NRG1: variants seen among roughly 807,000 people sequenced by gnomAD.
NRG1 encodes pro-neuregulin-1, membrane-bound isoform.
Under a neutral mutation model 63.8 loss-of-function variants are expected in NRG1, and 18 were observed. The ratio of observed to expected loss-of-function variants is 0.28; its 90% CI spans 0.19 to 0.42. NRG1 has a LOEUF of 0.42. Ranked by LOEUF, NRG1 falls within the 10% of genes least tolerant of loss-of-function variation. The pLI, the probability that NRG1 is intolerant of heterozygous loss-of-function variation, is 1.00. For missense variants in NRG1, 762 were observed against 814.7 expected (o/e 0.94, Z 0.79); for synonymous variants, 302 against 301.3 (o/e 1.00, Z -0.02).
At chr8:31,919,857 A>G (rs1378017517) in intron 1 of NRG1, among the ~76,000 whole-genome samples, 2 of 152,118 alleles carry the variant, frequency 1.3e-5, no homozygotes, top group Non-Finnish European at 2.9e-5. Context: ...TATAATTTGT[A>G]CTAAGTGTCA....
intron 1 of NRG1, chr8:32,063,065 CTTAA>C (rs1430029223): frequency 6.6e-6 from 1 of 151,962 alleles, no homozygotes; most frequent in Non-Finnish European, 1.5e-5. Context: ...GTAAATGTTC[CTTAA>C]TTATTTTCAG....
chr8:32,608,325 T>A (rs1845712233), intron 3 of NRG1, among the ~76,000 whole-genome samples: 1 of 151,388 alleles, frequency 6.6e-6, no homozygotes, highest in Non-Finnish European at 1.5e-5. Context: ...TGCATGCCAT[T>A]ACGCCTGGCT....
intron 1 of NRG1, among the ~76,000 whole-genome samples, chr8:31,801,022 T>G (rs1237814013): frequency 1.3e-5 from 2 of 151,320 alleles, no homozygotes; most frequent in African/African-American, 4.9e-5. Context: ...TTGTATTTTT[T>G]TTTTTTAGTA....
At chr8:31,728,469 T>C (rs1455029308) in intron 1 of NRG1, among the ~76,000 whole-genome samples, 1 of 152,184 alleles carries the variant, frequency 6.6e-6, no homozygotes, top group Admixed American at 6.5e-5. Flanking sequence ...AGTATTCATA[T>C]TTATGTTTGA....
At chr8:31,732,644 A>C (rs764459182) in intron 1 of NRG1, among the ~76,000 whole-genome samples, 27 of 152,170 alleles carry the variant, frequency 1.8e-4, no homozygotes, top group Admixed American at 2.6e-4. Context: ...GAATCCCAGC[A>C]CTTTGGGAAG....
chr8:32,616,981 G>A (rs1411498151), intron 5 of NRG1, 96 bp downstream of exon 5: 33 of 919,880 alleles, frequency 3.6e-5, no homozygotes, highest in Non-Finnish European at 5.5e-5. Context: ...CCCCTATTAA[G>A]GGTCAGAGTA....
intron 1 of NRG1, among the ~76,000 whole-genome samples, chr8:31,846,026 A>G (rs1383895): frequency 0.42 from 63,292 of 151,966 alleles, 14,236 homozygotes; most frequent in East Asian, 0.81. Flanking sequence ...AGTTCCAAAG[A>G]CATCCCCATG....
intron 1 of NRG1, among the ~76,000 whole-genome samples, chr8:32,144,885 T>A (rs560347104): frequency 6.6e-6 from 1 of 152,218 alleles, no homozygotes; most frequent in South Asian, 2.1e-4. Context: ...TTTTGATGTA[T>A]GTATGTGTGT....
intron 1 of NRG1, among the ~76,000 whole-genome samples, chr8:31,852,301 C>G (rs1394226737): frequency 1.3e-4 from 19 of 147,836 alleles, no homozygotes; most frequent in East Asian, 4.0e-4. Flanking sequence ...GATTGCCATT[C>G]TAACTGGTGT....
intron 1 of NRG1, among the ~76,000 whole-genome samples, chr8:32,423,573 G>C (rs1816963573): frequency 6.6e-6 from 1 of 152,026 alleles, no homozygotes; most frequent in Non-Finnish European, 1.5e-5. Flanking sequence ...TGAGCCCCAG[G>C]AAGTGGAGGC....
At chr8:32,347,546 A>G (rs1805069070) in intron 1 of NRG1, among the ~76,000 whole-genome samples, 1 of 152,206 alleles carries the variant, frequency 6.6e-6, no homozygotes, top group Non-Finnish European at 1.5e-5. Context: ...TATAGTAATG[A>G]AAGTATAATC....
chr8:31,825,580 G>A (rs1346549432), intron 1 of NRG1, among the ~76,000 whole-genome samples: 1 of 152,060 alleles, frequency 6.6e-6, no homozygotes, highest in Non-Finnish European at 1.5e-5. Context: ...TTTGGATGAA[G>A]GGACTGAGAC....
At chr8:32,128,796 A>C (rs1489201980) in intron 1 of NRG1, among the ~76,000 whole-genome samples, 3 of 151,936 alleles carry the variant, frequency 2.0e-5, no homozygotes, top group African/African-American at 7.2e-5. Context: ...AAACTGTCAA[A>C]GCCTTCTCAA....
Position 32,132,100 on chromosome 8 carries a change from T to C in NRG1, c.38-463728T>C, listed in dbSNP as rs192749417. ...TGTTTTTGTCATAACAGGTCAAGGATTGCTTACTCATGTTTGAGAAGCAAT... is the reference window on the plus strand; with the variant it reads ...TGTTTTTGTCATAACAGGTCAAGGACTGCTTACTCATGTTTGAGAAGCAAT... On this transcript the variant is annotated intron_variant, in intron 1 of 10. Coordinates refer to the NRG1 transcript ENST00000519301. 2.0e-5 allele frequency among the ~76,000 whole-genome samples: 3 copies of C among 152,136 alleles called. No homozygotes were observed. In the East Asian group the frequency reaches 5.8e-4, roughly 30 times the overall value.
At chr8:32,324,688 AT>A (rs1284369121) in intron 1 of NRG1, among the ~76,000 whole-genome samples, 1 of 152,226 alleles carries the variant, frequency 6.6e-6, no homozygotes, top group Admixed American at 6.5e-5. Flanking sequence ...GAAAAGGCAA[AT>A]AAAAAATTGG....
chr8:32,431,173 T>G (rs1818094775), intron 1 of NRG1, among the ~76,000 whole-genome samples: 1 of 152,192 alleles, frequency 6.6e-6, no homozygotes, highest in East Asian at 1.9e-4. Flanking sequence ...CCCAGATCTT[T>G]CTGATTCTAG....
chr8:32,157,966 C>A lies in NRG1; in HGVS notation c.38-437862C>A, dbSNP rs74641459. 3.1e-3 allele frequency among the ~76,000 whole-genome samples: 465 copies of A among 152,252 alleles called. 2 individuals carry two copies. The highest frequency in any genetic ancestry group is 0.011 in the African/African-American group (443 of 41,554). ...CCATTAGCTCTTCCTTATACACTTT[C>A]CACTTTCCCAAACTCTGTCCCGGGA... is the stretch of plus-strand genomic sequence containing the variant. On this transcript the variant is annotated intron_variant, in intron 1 of 10. Transcript: ENST00000519301.
chr8:32,026,573 C>T (rs1817411212), intron 1 of NRG1, among the ~76,000 whole-genome samples: 1 of 152,106 alleles, frequency 6.6e-6, no homozygotes, highest in Admixed American at 6.5e-5. Flanking sequence ...TTACTGAAAA[C>T]AAATCTGAAA....
chr8:32,628,826 C>T (rs549063917), intron 5 of NRG1, among the ~76,000 whole-genome samples: 6 of 151,518 alleles, frequency 4.0e-5, no homozygotes, highest in South Asian at 2.1e-4. Flanking sequence ...TCTGCCTACC[C>T]GGTTCAAGCG....
Sources: gnomAD v4.1 joint callset for allele counts (sites outside exome capture counted in the v4.1 genomes callset) on GRCh38, gnomAD v4.1.1 for gene constraint, MANE v1.5 for transcripts, NCBI Gene and HGNC (gene_info 2026-07-23, HGNC 2026-07-21) for gene names.